Variants in WDFY3 observed in about 807,000 individuals in gnomAD.
The protein encoded by WDFY3 is WD repeat and FYVE domain-containing protein 3.
A neutral mutation model predicts 409.6 loss-of-function variants in WDFY3; 66 were observed. The ratio of observed to expected loss-of-function variants is 0.16; its 90% CI spans 0.13 to 0.20. The LOEUF is 0.20. WDFY3 is among the 10% of genes least tolerant of loss of function. The pLI is 1.00. For synonymous variants in WDFY3, 1,521 were observed against 1,537.1 expected, an observed-to-expected ratio of 0.99 and a Z score of 0.25; for missense variants, 3,031 against 4,298.1, an observed-to-expected ratio of 0.71 and a Z score of 8.24.
At chr4:84,755,211 A>C in intron 34 of WDFY3, 55 bp downstream of exon 34, 6 of 1,581,422 alleles carry the variant, frequency 3.8e-6, no homozygotes, top group Non-Finnish European at 4.3e-6. Context: ...ATTTACAAAA[A>C]AGTATCCTAG....
At chr4:84,788,507 C>T (rs533327421) in intron 22 of WDFY3, among the ~76,000 whole-genome samples, 70 of 152,182 alleles carry the variant, frequency 4.6e-4, no homozygotes, top group Non-Finnish European at 8.2e-4. Flanking sequence ...GAAGGAGCAA[C>T]GTACTAGAGA....
intron 56 of WDFY3, 99 bp from the exon 57 acceptor site, chr4:84,696,922 AC>A: frequency 1.0e-6 from 1 of 992,918 alleles, no homozygotes; most frequent in Non-Finnish European, 1.5e-6. Context: ...TAGATTCAAT[AC>A]CAGAACGCTA....
intron 1 of WDFY3, among the ~76,000 whole-genome samples, chr4:84,933,303 T>TA (rs1365826016): frequency 1.3e-5 from 2 of 152,126 alleles, no homozygotes; most frequent in African/African-American, 2.4e-5. Flanking sequence ...TAACCAATAA[T>TA]AACCTAGTTT....
intron 56 of WDFY3, among the ~76,000 whole-genome samples, chr4:84,697,459 C>A (rs1730322323): frequency 6.6e-6 from 1 of 152,080 alleles, no homozygotes; most frequent in African/African-American, 2.4e-5. Context: ...TATAGGGCTA[C>A]CTGTCAAAAA....
chr4:84,772,422 CTAAA>C (rs1307267081), intron 30 of WDFY3, among the ~76,000 whole-genome samples: 100 of 151,864 alleles, frequency 6.6e-4, no homozygotes, highest in Non-Finnish European at 1.0e-4. Context: ...TCAGTGACTA[CTAAA>C]TATTTAACAG....
At chr4:84,925,578 A>G (rs1029881417) in intron 2 of WDFY3, among the ~76,000 whole-genome samples, 3 of 152,234 alleles carry the variant, frequency 2.0e-5, no homozygotes, top group African/African-American at 4.8e-5. Flanking sequence ...AGCAAATGCA[A>G]TATGTGGACC....
rs376120810 is a variant in WDFY3 at position 84,760,652 on chromosome 4, T to G, written c.5189-3491A>C. 1.0e-3 allele frequency among the ~76,000 whole-genome samples: 156 copies of G among 152,214 alleles called. 6 individuals are homozygous for G. The East Asian group carries it at 0.029, about 28-fold the overall frequency. On this transcript the variant is annotated intron_variant, in intron 32 of 67. Transcript: ENST00000295888. ...TATTTCTGTGGGATTGGTGGTGATA[T>G]CCCCTTTATCATTTTTTATTGCATC...
At chr4:84,840,570 C>T (rs1757189241) in intron 6 of WDFY3, among the ~76,000 whole-genome samples, 1 of 152,024 alleles carries the variant, frequency 6.6e-6, no homozygotes, top group East Asian at 1.9e-4. Context: ...GAATGCTCTA[C>T]AAATGGTATC....
intron 13 of WDFY3, among the ~76,000 whole-genome samples, chr4:84,815,829 G>A (rs554267244): frequency 4.8e-4 from 73 of 152,138 alleles, no homozygotes; most frequent in Admixed American, 3.5e-3. Context: ...TTTAGCACTC[G>A]AAATTAAGAA....
chr4:84,860,685 CATGT>C, intron 3 of WDFY3, 63 bp from the exon 4 acceptor site: 1 of 1,279,450 alleles, frequency 7.8e-7, no homozygotes, highest in South Asian at 2.4e-5. Flanking sequence ...GTCAAGCATG[CATGT>C]AAGAGCTTAT....
chr4:84,796,410 A>T, intron 19 of WDFY3, 111 bp downstream of exon 19: 1 of 594,602 alleles, frequency 1.7e-6, no homozygotes, highest in Non-Finnish European at 2.6e-6. Flanking sequence ...AAAAAATATT[A>T]AGTATGGTAA....
rs1357749571 is a variant in WDFY3, at chr4:84,677,047, T to C, written c.10457+152A>G. 3.4e-6 allele frequency: 3 copies of C among 871,520 alleles called. No homozygotes were observed. In the Admixed American group the frequency reaches 9.9e-5, roughly 29 times the overall value. The allele number at this position is 871,520 out of a possible 1,614,324, so 54.0% of individuals were successfully genotyped here. On this transcript the variant is annotated intron_variant, in intron 67 of 67. Coordinates refer to ENST00000295888, the MANE Select transcript of WDFY3 (RefSeq NM_014991.6). ...CAGAAAAATTTCCTAATTGTAGTAATAAAGAAGAACAGAAAAAGTGAAGAC... is the reference window on the plus strand; with the variant it reads ...CAGAAAAATTTCCTAATTGTAGTAACAAAGAAGAACAGAAAAAGTGAAGAC...
intron 32 of WDFY3, among the ~76,000 whole-genome samples, chr4:84,760,934 T>C (rs1277252870): frequency 1.9e-4 from 28 of 147,794 alleles, no homozygotes; most frequent in African/African-American, 6.8e-4. Flanking sequence ...CTTTCTCTTG[T>C]GGGCATTTAG....
intron 30 of WDFY3, among the ~76,000 whole-genome samples, chr4:84,771,275 C>CTA (rs1375943275): frequency 6.6e-6 from 1 of 152,118 alleles, no homozygotes; most frequent in Non-Finnish European, 1.5e-5. Flanking sequence ...GTAGCTGGGT[C>CTA]TATAGGTGCA....
intron 1 of WDFY3, among the ~76,000 whole-genome samples, chr4:84,954,565 CAT>C (rs1236174097): frequency 6.6e-6 from 1 of 152,118 alleles, no homozygotes; most frequent in Admixed American, 6.5e-5. Context: ...TAATAAAACA[CAT>C]ATTATCATTC....
chr4:84,836,990 C>T lies in WDFY3; in HGVS notation c.515G>A (p.Gly172Asp). The T allele has an allele frequency of 6.2e-7, 1 of 1,601,102 alleles. No individual in the cohort carries two copies. Among genetic ancestry groups the T allele is most frequent in the Non-Finnish European group, 8.5e-7 (1 of 1,173,974 alleles). ...DLPHVPEAVG[G>D]AQNELPLAER... ...TGCTAGAGGTAGCTCATTCTGTGCA[C>T]CTCCAACTGCCTCAGGCACATGTGG... is the stretch of plus-strand genomic sequence containing the variant. Residue 172 changes from glycine (G) to aspartate (D), a missense_variant, in exon 7 of 68, where the codon GGT becomes GAT. Coordinates refer to ENST00000295888, the MANE Select transcript of WDFY3 (RefSeq NM_014991.6).
chr4:84,850,929 T>G (rs1376136408), intron 4 of WDFY3, among the ~76,000 whole-genome samples: 4 of 29,804 alleles, frequency 1.3e-4, no homozygotes, highest in South Asian at 9.2e-4. Flanking sequence ...TATTTATCTG[T>G]TTTTTTTTTT....
At chr4:84,906,801 A>G (rs895322614) in intron 2 of WDFY3, among the ~76,000 whole-genome samples, 1 of 148,076 alleles carries the variant, frequency 6.8e-6, no homozygotes, top group Non-Finnish European at 1.5e-5. Context: ...CTCATCAGCC[A>G]TCGTTAGTGC....
chr4:84,782,985 C>A lies in WDFY3; in HGVS notation c.4152G>T (p.Gly1384=). The A allele has an allele frequency of 6.2e-7, 1 of 1,613,986 alleles. No homozygotes were observed. Among genetic ancestry groups the A allele is most frequent in the African/African-American group, 1.3e-5 (1 of 74,980 alleles). Residue 1384 remains glycine (G), a synonymous_variant, in exon 25 of 68, where the codon GGG becomes GGT. Coordinates refer to ENST00000295888, the MANE Select transcript of WDFY3 (RefSeq NM_014991.6). ...GHLNGSARTI[G]AALIGYLGVR... ...CACCCAAGTATCCAATCAGAGCGGCCCCAATTGTCCGTGCAGATCCATTAA... is the reference window on the plus strand; with the variant it reads ...CACCCAAGTATCCAATCAGAGCGGCACCAATTGTCCGTGCAGATCCATTAA...
Sources: gnomAD v4.1 joint callset for allele counts (sites outside exome capture counted in the v4.1 genomes callset) on GRCh38, gnomAD v4.1.1 for gene constraint, MANE v1.5 for transcripts, NCBI Gene and HGNC (gene_info 2026-07-23, HGNC 2026-07-21) for gene names.